The following MAPK10 variants were observed in gnomAD, a reference collection of about 807,000 sequenced individuals.
MAPK10 encodes mitogen-activated protein kinase 10, also known as JNK3 alpha protein kinase.
Under a neutral mutation model 59.3 loss-of-function variants are expected in MAPK10, and 25 were observed. The observed-to-expected ratio is 0.42, with a 90% CI of 0.31 to 0.59. The LOEUF is 0.59. Ranked by LOEUF, MAPK10 falls within the 20% of genes least tolerant of loss-of-function variation. MAPK10 has a pLI of 0.15. For missense variants in MAPK10, 351 were observed against 568.9 expected (o/e 0.62, Z 3.90); for synonymous variants, 190 against 200.5 (o/e 0.95, Z 0.44).
rs575519342 is a variant in MAPK10, at chr4:86,507,026, T to G, written c.-263+86884A>C. Among the ~76,000 whole-genome samples the G allele has an allele frequency of 1.1e-4, 16 of 152,184 alleles. No individual in the cohort carries two copies. The East Asian group carries it at 2.3e-3, about 22-fold the overall frequency. On this transcript the variant is annotated intron_variant, in intron 1 of 4. Transcript: ENST00000502302. ...ATCTAATTGATGTATTAGTTAAAAA[T>G]AAAACATATATGATAAACAATATTC...
chr4:86,522,393 A>G (rs1408428598), intron 1 of MAPK10, among the ~76,000 whole-genome samples: 1 of 152,144 alleles, frequency 6.6e-6, no homozygotes, highest in Non-Finnish European at 1.5e-5. Flanking sequence ...AATATGAACT[A>G]CCTTAATTTT....
chr4:86,514,883 G>T (rs1056030742), intron 1 of MAPK10, among the ~76,000 whole-genome samples: 1 of 152,134 alleles, frequency 6.6e-6, no homozygotes, highest in African/African-American at 2.4e-5. Flanking sequence ...GGGGGAACAG[G>T]TAGTGCTTGG....
At chr4:86,564,601 C>T (rs1760924249) in intron 1 of MAPK10, among the ~76,000 whole-genome samples, 1 of 152,114 alleles carries the variant, frequency 6.6e-6, no homozygotes, top group African/African-American at 2.4e-5. Flanking sequence ...CCAAATGAAT[C>T]CAATTCTTGC....
intron 1 of MAPK10, among the ~76,000 whole-genome samples, chr4:86,391,268 A>G (rs1447607279): frequency 1.3e-5 from 2 of 152,248 alleles, no homozygotes; most frequent in Non-Finnish European, 2.9e-5. Context: ...AAGTATTATC[A>G]TAGATCACCA....
At chr4:86,288,128 A>G (rs1270598074) in intron 2 of MAPK10, among the ~76,000 whole-genome samples, 1 of 152,156 alleles carries the variant, frequency 6.6e-6, no homozygotes, top group East Asian at 1.9e-4. Context: ...CCATGGGTAA[A>G]ATAAGACATT....
At chr4:86,073,857 A>G (rs2048597825) in intron 9 of MAPK10, among the ~76,000 whole-genome samples, 1 of 110,840 alleles carries the variant, frequency 9.0e-6, no homozygotes, top group Non-Finnish European at 1.9e-5. Flanking sequence ...GTGCTGAAAA[A>G]AATGTATATT....
At chr4:86,554,403 C>A (rs4235081) in intron 1 of MAPK10, among the ~76,000 whole-genome samples, 47,933 of 151,956 alleles carry the variant, frequency 0.32, 7,795 homozygotes, top group Admixed American at 0.36. Context: ...GAACCTAATA[C>A]ATTTTTTAAA....
At chr4:86,381,551 A>T (rs951248646) in intron 1 of MAPK10, among the ~76,000 whole-genome samples, 1 of 152,190 alleles carries the variant, frequency 6.6e-6, no homozygotes, top group African/African-American at 2.4e-5. Flanking sequence ...AAGGCACTGC[A>T]GGATACTGGA....
chr4:86,466,971 T>C lies in MAPK10; in HGVS notation c.-262-112327A>G, dbSNP rs568342938. Among the ~76,000 whole-genome samples the C allele has an allele frequency of 2.0e-5, 3 of 152,338 alleles. No homozygotes were observed. The East Asian group carries it at 5.8e-4, about 29-fold the overall frequency. On this transcript the variant is annotated intron_variant, in intron 1 of 4. Transcript: ENST00000502302. ...TCACAAGACCACCATGTCCAAGATA[T>C]GTGCTGCATCTTCAGCTGCAGTCCC... is the stretch of plus-strand genomic sequence containing the variant.
rs57390422 is a variant in MAPK10, at chr4:86,527,312, CAAAAAAAA to C, written c.-263+66590_-263+66597del. Among the ~76,000 whole-genome samples, 14 of 16,196 alleles carry C rather than the reference CAAAAAAAA, an allele frequency of 8.6e-4. 1 individual carries two copies. The highest frequency in any genetic ancestry group is 2.6e-3 in the East Asian group (1 of 378). The allele number at this position is 16,196 out of a possible 152,430, so 10.6% of individuals were successfully genotyped here. A position where few individuals can be genotyped will look rare whatever the true frequency, so the allele number is the denominator to read the frequency against. On this transcript the variant is annotated intron_variant, in intron 1 of 4. Transcript: ENST00000502302. ...GAGCAACAGAGTGAGACACTGTTGCCAAAAAAAAAAAAAAAAAAAAAAAAAAAAGTAGG... is the reference window on the plus strand; with the variant it reads ...GAGCAACAGAGTGAGACACTGTTGCCAAAAAAAAAAAAAAAAAAAAGTAGG...
At chr4:86,536,768 A>C (rs1758271937) in intron 1 of MAPK10, among the ~76,000 whole-genome samples, 1 of 152,252 alleles carries the variant, frequency 6.6e-6, no homozygotes, top group African/African-American at 2.4e-5. Context: ...ATTATCTTTA[A>C]ATCATACCGC....
chr4:86,267,544 T>C (rs901059548), intron 2 of MAPK10, among the ~76,000 whole-genome samples: 3 of 152,164 alleles, frequency 2.0e-5, no homozygotes, highest in Admixed American at 2.0e-4. Flanking sequence ...CAATGGTCTA[T>C]AACATCTTAA....
intron 1 of MAPK10, among the ~76,000 whole-genome samples, chr4:86,593,499 T>C (rs1763255809): frequency 6.6e-6 from 1 of 152,250 alleles, no homozygotes; most frequent in Non-Finnish European, 1.5e-5. Context: ...GCTGTCTGGA[T>C]ATACCTTGGC....
intron 3 of MAPK10, among the ~76,000 whole-genome samples, chr4:86,168,070 C>T (rs1434732861): frequency 6.6e-6 from 1 of 152,126 alleles, no homozygotes; most frequent in African/African-American, 2.4e-5. Context: ...TACAAGCATT[C>T]TGAGAGGACA....
At chr4:86,029,973 T>TC (rs5860013) in intron 12 of MAPK10, among the ~76,000 whole-genome samples, 72,700 of 151,888 alleles carry the variant, frequency 0.48, 18,524 homozygotes, top group African/African-American at 0.66. Flanking sequence ...GTTTACTCTG[T>TC]CCCTTTAGCT....
intron 2 of MAPK10, among the ~76,000 whole-genome samples, chr4:86,200,192 C>A (rs1265665807): frequency 6.6e-6 from 1 of 151,910 alleles, no homozygotes; most frequent in Non-Finnish European, 1.5e-5. Context: ...AGTTTTGATT[C>A]AAGTCTAATT....
chr4:86,438,569 G>C (rs545425748), intron 1 of MAPK10, among the ~76,000 whole-genome samples: 1 of 151,808 alleles, frequency 6.6e-6, no homozygotes, highest in Non-Finnish European at 1.5e-5. Context: ...AGGCGCCTAT[G>C]ATCCCAGCTA....
At chr4:86,066,277 A>G (rs989304208) in intron 10 of MAPK10, among the ~76,000 whole-genome samples, 3 of 152,230 alleles carry the variant, frequency 2.0e-5, no homozygotes, top group African/African-American at 7.2e-5. Context: ...ACAAAAATAC[A>G]GAAATACTTA....
intron 4 of MAPK10, among the ~76,000 whole-genome samples, chr4:86,137,297 C>T (rs1167327511): frequency 1.3e-5 from 2 of 151,264 alleles, no homozygotes; most frequent in Admixed American, 6.6e-5. Context: ...AAGCTGTCCT[C>T]AGCAAATGTA....
Sources: allele counts gnomAD v4.1 joint callset (sites outside exome capture counted in the v4.1 genomes callset), GRCh38; gene constraint gnomAD v4.1.1; transcripts MANE v1.5; gene names NCBI Gene and HGNC (gene_info 2026-07-23, HGNC 2026-07-21).